Variants in CSMD3 observed in about 807,000 individuals in gnomAD.
The protein encoded by CSMD3 is CUB and Sushi multiple domains 3.
In CSMD3, 177 loss-of-function variants were observed where a neutral mutation model predicts 435.2. The ratio of observed to expected loss-of-function variants is 0.41; its 90% confidence interval spans 0.36 to 0.46. The LOEUF (loss-of-function observed/expected upper bound fraction) is 0.46, where lower values mean the gene tolerates loss of function less well. Among genes scored for constraint, CSMD3 ranks in the 20% least tolerant of loss-of-function variants. CSMD3 has a pLI of 0.34. For synonymous variants in CSMD3, 1,656 were observed against 1,520.5 expected, an observed-to-expected ratio of 1.09 and a Z score of -2.07; for missense variants, 4,265 against 4,504.6, an observed-to-expected ratio of 0.95 and a Z score of 1.52.
intron 4 of CSMD3, among the ~76,000 whole-genome samples, chr8:113,134,478 AG>A (rs2091363856): frequency 6.6e-6 from 1 of 152,036 alleles, no homozygotes; most frequent in South Asian, 2.1e-4. Flanking sequence ...GGAAACACAC[AG>A]TCGAAGGATT....
intron 5 of CSMD3, among the ~76,000 whole-genome samples, chr8:113,090,781 T>C (rs1225337153): frequency 6.6e-6 from 1 of 152,142 alleles, no homozygotes; most frequent in Non-Finnish European, 1.5e-5. Context: ...CTTACAAACA[T>C]ATGTTGTGAA....
intron 2 of CSMD3, among the ~76,000 whole-genome samples, chr8:113,304,683 A>T (rs1406183977): frequency 7.5e-6 from 1 of 134,178 alleles, no homozygotes. Context: ...CAAACACCGC[A>T]TATTCTCACT....
At chr8:112,967,158 C>T (rs749623286) in intron 7 of CSMD3, among the ~76,000 whole-genome samples, 8 of 126,522 alleles carry the variant, frequency 6.3e-5, no homozygotes, top group Middle Eastern at 3.9e-3. Context: ...GAAAAGCGTA[C>T]TATAAGACCT....
chr8:112,730,312 A>T (rs1388684261), intron 13 of CSMD3, among the ~76,000 whole-genome samples: 2 of 152,152 alleles, frequency 1.3e-5, no homozygotes, highest in African/African-American at 2.4e-5. Context: ...AATTAAGGTC[A>T]CTGACTGAGA....
At chr8:112,337,832 A>C (rs1408960948) in intron 42 of CSMD3, 101 bp from the exon 43 acceptor site, 2 of 746,314 alleles carry the variant, frequency 2.7e-6, no homozygotes, top group Non-Finnish European at 4.5e-6. Flanking sequence ...ATGTGATGCT[A>C]CTTGCAGTTG....
In CSMD3 at chr8:112,532,143, T is replaced by C. The variant is rs575325888; in HGVS notation, c.4565-14918A>G. ...AGAATTGATTAAGCAGAAGAAAGAA[T>C]TCATGACATGGAAGATAGGTTATTT... On this transcript the variant is annotated intron_variant, in intron 27 of 70. Transcript: ENST00000297405. Among the ~76,000 whole-genome samples the C allele has an allele frequency of 3.2e-4, 48 of 152,012 alleles. 1 individual carries two copies. Among genetic ancestry groups the C allele is most frequent in the African/African-American group, 1.2e-3 (48 of 41,474 alleles).
intron 40 of CSMD3, among the ~76,000 whole-genome samples, chr8:112,349,369 T>C (rs1802502399): frequency 6.6e-6 from 1 of 152,088 alleles, no homozygotes; most frequent in Non-Finnish European, 1.5e-5. Flanking sequence ...CATTACTATA[T>C]ATATATAGTA....
intron 9 of CSMD3, among the ~76,000 whole-genome samples, chr8:112,936,202 T>C (rs2083276822): frequency 6.6e-6 from 1 of 152,044 alleles, no homozygotes; most frequent in East Asian, 1.9e-4. Context: ...CTCTGTCTTA[T>C]TTTTTCTATC....
chr8:113,087,046 T>A (rs1419784816), intron 5 of CSMD3, among the ~76,000 whole-genome samples: 2 of 152,178 alleles, frequency 1.3e-5, no homozygotes, highest in Non-Finnish European at 2.9e-5. Context: ...TCTCTCACAC[T>A]TCTGCAAATT....
intron 13 of CSMD3, among the ~76,000 whole-genome samples, chr8:112,738,133 G>A (rs547440819): frequency 6.6e-6 from 1 of 151,658 alleles, no homozygotes; most frequent in African/African-American, 2.4e-5. Context: ...AGAGGTGGGG[G>A]GAAGAAATAT....
At chr8:113,414,311 G>A (rs770040947) in intron 1 of CSMD3, among the ~76,000 whole-genome samples, 2 of 152,034 alleles carry the variant, frequency 1.3e-5, no homozygotes, top group Non-Finnish European at 2.9e-5. Flanking sequence ...TATTATTTTG[G>A]TAAGAATAGC....
At chr8:112,536,332 C>A (rs1586627828) in intron 27 of CSMD3, among the ~76,000 whole-genome samples, 1 of 151,880 alleles carries the variant, frequency 6.6e-6, no homozygotes, top group African/African-American at 2.4e-5. Context: ...ACAAGAAAAA[C>A]TAAACAACCC....
At chr8:112,750,797 G>A (rs2077552228) in intron 13 of CSMD3, among the ~76,000 whole-genome samples, 1 of 151,966 alleles carries the variant, frequency 6.6e-6, no homozygotes, top group South Asian at 2.1e-4. Flanking sequence ...AAGTTCTAAT[G>A]GTAGAAGGCC....
At chr8:112,393,083 G>A (rs1025689431) in intron 35 of CSMD3, among the ~76,000 whole-genome samples, 1 of 151,912 alleles carries the variant, frequency 6.6e-6, no homozygotes, top group Non-Finnish European at 1.5e-5. Context: ...TGTAGAGACA[G>A]GATCTGTGTT....
chr8:113,186,248 A>G (rs1395680230), intron 3 of CSMD3, among the ~76,000 whole-genome samples: 1 of 151,890 alleles, frequency 6.6e-6, no homozygotes, highest in East Asian at 2.0e-4. Flanking sequence ...ATAGGTTTCT[A>G]TTGCCCTCCT....
chr8:112,636,143 C>T (rs566040544), intron 22 of CSMD3, among the ~76,000 whole-genome samples: 4 of 151,982 alleles, frequency 2.6e-5, no homozygotes, highest in Admixed American at 2.0e-4. Context: ...TTTTTTCTAC[C>T]GAACATTTTT....
chr8:113,169,832 C>T (rs1326996163), intron 4 of CSMD3, among the ~76,000 whole-genome samples: 3 of 152,112 alleles, frequency 2.0e-5, no homozygotes, highest in Admixed American at 6.6e-5. Flanking sequence ...ATCATGTGCC[C>T]CAGGTATTCT....
At chr8:112,870,191 A>G (rs768715078) in intron 10 of CSMD3, among the ~76,000 whole-genome samples, 4 of 152,106 alleles carry the variant, frequency 2.6e-5, no homozygotes, top group Non-Finnish European at 5.9e-5. Flanking sequence ...ACATGAAAAA[A>G]AAAACTCAAC....
chr8:113,136,406 T>G (rs1046242065), intron 4 of CSMD3, among the ~76,000 whole-genome samples: 7 of 151,496 alleles, frequency 4.6e-5, no homozygotes, highest in Non-Finnish European at 5.9e-5. Context: ...GCAGTAGAAC[T>G]ATACAGAACT....
Sources: gnomAD v4.1 joint callset for allele counts (sites outside exome capture counted in the v4.1 genomes callset) on GRCh38, gnomAD v4.1.1 for gene constraint, MANE v1.5 for transcripts, NCBI Gene and HGNC (gene_info 2026-07-23, HGNC 2026-07-21) for gene names.